Variants in NDC1 observed in about 807,000 individuals in gnomAD.
The protein encoded by NDC1 is nucleoporin NDC1.
A neutral mutation model predicts 89.8 loss-of-function variants in NDC1; 24 were observed. The ratio of observed to expected loss-of-function variants is 0.27; its 90% CI spans 0.19 to 0.38. The LOEUF is 0.38. Ranked by LOEUF, NDC1 falls within the 10% of genes least tolerant of loss-of-function variation. The pLI is 1.00. For missense variants in NDC1, 728 were observed against 797.6 expected, an observed-to-expected ratio of 0.91 and a Z score of 1.05; for synonymous variants, 296 against 284.8, an observed-to-expected ratio of 1.04 and a Z score of -0.39.
intron 8 of NDC1, among the ~76,000 whole-genome samples, chr1:53,807,073 T>C (rs1343922595): frequency 1.3e-5 from 2 of 151,728 alleles, no homozygotes; most frequent in African/African-American, 4.8e-5. Flanking sequence ...GGTGAAACCC[T>C]GTCTCTACTA....
rs1647331249 is a variant in NDC1, at chr1:53,787,161, T to G, written c.1797A>C (p.Gln599His). ...PAILNTLLTL[Q>H]EAVDKYFKLP... ...TCCCAACCCACAGATTTCTTACCTC[T>G]TGCAGTGTCAACAAAGTATTAAGGA... The change falls in exon 16 of 18, where the codon CAA becomes CAC. Residue 599 changes from glutamine (Q) to histidine (H), a missense_variant. Physicochemically the swap from Gln to His is conservative, Grantham distance 24 (BLOSUM62 0). Transcript: ENST00000371429. 4.4e-6 allele frequency: 7 copies of G among 1,588,238 alleles called. No individual in the cohort carries two copies. The highest frequency in any genetic ancestry group is 6.0e-6 in the Non-Finnish European group (7 of 1,161,150).
At chr1:53,789,099 A>C in intron 15 of NDC1, 34 bp downstream of exon 15, 1 of 1,379,134 alleles carries the variant, frequency 7.3e-7, no homozygotes, top group Non-Finnish European at 1.0e-6. Flanking sequence ...ACTGACAATT[A>C]AAATCATAGT....
intron 10 of NDC1, among the ~76,000 whole-genome samples, chr1:53,803,522 T>A (rs1647992232): frequency 6.6e-6 from 1 of 152,224 alleles, no homozygotes; most frequent in African/African-American, 2.4e-5. Context: ...CTCATTGACA[T>A]CTGATATTTT....
intron 3 of NDC1, among the ~76,000 whole-genome samples, chr1:53,830,823 T>C (rs1257818279): frequency 2.2e-4 from 32 of 146,872 alleles, no homozygotes; most frequent in African/African-American, 7.6e-4. Context: ...GATCACGCCA[T>C]TGCACTCCAG....
intron 5 of NDC1, among the ~76,000 whole-genome samples, chr1:53,822,571 G>C (rs1648709779): frequency 6.6e-6 from 1 of 151,896 alleles, no homozygotes; most frequent in South Asian, 2.1e-4. Flanking sequence ...TACCAGTTTA[G>C]TGTATATCCT....
At chr1:53,786,544 A>C (rs955064822) in intron 16 of NDC1, among the ~76,000 whole-genome samples, 7 of 152,204 alleles carry the variant, frequency 4.6e-5, no homozygotes, top group Non-Finnish European at 1.0e-4. Flanking sequence ...CAAATTGTGT[A>C]AGGATTTACT....
chr1:53,808,460 T>G (rs148251079), intron 7 of NDC1, among the ~76,000 whole-genome samples: 1 of 152,214 alleles, frequency 6.6e-6, no homozygotes, highest in South Asian at 2.1e-4. Context: ...AAGAGTGGCA[T>G]AATATGTTCA....
chr1:53,805,597 A>G (rs1248786236), intron 9 of NDC1, among the ~76,000 whole-genome samples: 1 of 152,188 alleles, frequency 6.6e-6, no homozygotes, highest in African/African-American at 2.4e-5. Context: ...GCTTACTTAG[A>G]TTGATTTGTA....
intron 11 of NDC1, among the ~76,000 whole-genome samples, chr1:53,798,591 G>A (rs1484408249): frequency 7.3e-6 from 1 of 136,870 alleles, no homozygotes; most frequent in African/African-American, 2.8e-5. Flanking sequence ...GTCTCACTCT[G>A]TCACCCAGAC....
rs764071068 is a variant in NDC1 at position 53,809,787 on chromosome 1, TA to T, written c.704-42del. On this transcript the variant is annotated intron_variant, in intron 6 of 17. Transcript: ENST00000371429. ...ACCAAGCTATGAACATAAAAAGTTA[TA>T]AAACAAGTTTTAGTCAAGCTTTAGA... The T allele has an allele frequency of 6.8e-5, 104 of 1,532,460 alleles. 3 individuals are homozygous for T. In the South Asian group the frequency reaches 1.2e-3, roughly 17 times the overall value. The allele number at this position is 1,532,460 out of a possible 1,614,324, so 94.9% of individuals were successfully genotyped here.
chr1:53,783,912 C>A (rs748133703), intron 16 of NDC1, among the ~76,000 whole-genome samples: 1 of 152,156 alleles, frequency 6.6e-6, no homozygotes, highest in South Asian at 2.1e-4. Context: ...TGAAACAGAG[C>A]AAGACAGGGC....
Position 53,789,200 on chromosome 1 carries a change from CAAATA to C in NDC1, c.1636-9_1636-5del. 6.3e-7 allele frequency: 1 copy of C among 1,593,444 alleles called. No homozygotes were observed. The highest frequency in any genetic ancestry group is 2.2e-5 in the East Asian group (1 of 44,560). ...CCTGAATGGAGGCCTCTGGGTGCTACAAATAAAAACAAAAACATTCAAGTGAATTC... is the reference window on the plus strand; with the variant it reads ...CCTGAATGGAGGCCTCTGGGTGCTACAAAACAAAAACATTCAAGTGAATTC... On this transcript the variant is annotated splice_polypyrimidine_tract_variant and splice_region_variant and intron_variant, in intron 14 of 17. Coordinates refer to ENST00000371429, the MANE Select transcript of NDC1 (RefSeq NM_018087.5).
At chr1:53,823,699 A>G (rs915229476) in intron 5 of NDC1, among the ~76,000 whole-genome samples, 7 of 152,232 alleles carry the variant, frequency 4.6e-5, no homozygotes, top group Admixed American at 1.3e-4. Context: ...ACATTTCTAT[A>G]TAAGATTTTG....
chr1:53,778,834 T>C (rs550543100), intron 16 of NDC1, among the ~76,000 whole-genome samples: 3 of 152,016 alleles, frequency 2.0e-5, no homozygotes, highest in African/African-American at 7.2e-5. Flanking sequence ...TGAAAGATCT[T>C]TTCTCCTGTA....
chr1:53,797,172 G>A (rs2100651537), intron 11 of NDC1, 28 bp from the exon 12 acceptor site: 4 of 1,607,566 alleles, frequency 2.5e-6, no homozygotes, highest in East Asian at 2.2e-5. Context: ...CAGTGCTGAA[G>A]AGGCAACCTG....
chr1:53,810,515 G>A (rs1648269143), intron 6 of NDC1, among the ~76,000 whole-genome samples: 1 of 150,498 alleles, frequency 6.6e-6, no homozygotes, highest in Non-Finnish European at 1.5e-5. Flanking sequence ...AGTTATAGGA[G>A]AAAGAGCAAA....
intron 5 of NDC1, among the ~76,000 whole-genome samples, chr1:53,823,450 G>A (rs1427804545): frequency 6.6e-6 from 1 of 152,092 alleles, no homozygotes; most frequent in African/African-American, 2.4e-5. Flanking sequence ...CAAAAAGAAA[G>A]TACTAAAATT....
intron 14 of NDC1, among the ~76,000 whole-genome samples, chr1:53,790,077 T>C (rs1647437353): frequency 6.6e-6 from 1 of 151,650 alleles, no homozygotes; most frequent in African/African-American, 2.4e-5. Flanking sequence ...CATTCCAGCC[T>C]GGGATAGCTG....
At chr1:53,835,255 T>C (rs1195288858) in intron 2 of NDC1, among the ~76,000 whole-genome samples, 1 of 152,224 alleles carries the variant, frequency 6.6e-6, no homozygotes, top group Non-Finnish European at 1.5e-5. Context: ...TTTTCATTTA[T>C]GGGGTCTTCT....
Sources: allele counts gnomAD v4.1 joint callset (sites outside exome capture counted in the v4.1 genomes callset), GRCh38; gene constraint gnomAD v4.1.1; transcripts MANE v1.5; gene names NCBI Gene and HGNC (gene_info 2026-07-23, HGNC 2026-07-21).